FAF2: variants seen among roughly 807,000 people sequenced by gnomAD.
The protein encoded by FAF2 is Fas associated factor family member 2, also known as FAS-associated factor 2.
A neutral mutation model predicts 62.3 loss-of-function variants in FAF2; 9 were observed. The ratio of observed to expected loss-of-function variants is 0.14; its 90% confidence interval spans 0.09 to 0.25. FAF2 has a LOEUF of 0.25. Among genes scored for constraint, FAF2 ranks in the 10% least tolerant of loss-of-function variants. The pLI is 1.00. For missense variants in FAF2, 368 were observed against 556.2 expected, an observed-to-expected ratio of 0.66 and a Z score of 3.40; for synonymous variants, 202 against 198.0, an observed-to-expected ratio of 1.02 and a Z score of -0.17.
At chr5:176,496,769 A>G (rs1755494982) in intron 8 of FAF2, 106 bp downstream of exon 8, 2 of 837,158 alleles carry the variant, frequency 2.4e-6, no homozygotes, top group Non-Finnish European at 1.8e-6. Context: ...TCAGGCCGCT[A>G]TTAGCTTTTA....
intron 10 of FAF2, among the ~76,000 whole-genome samples, chr5:176,500,525 G>C (rs1428004942): frequency 6.6e-6 from 1 of 152,194 alleles, no homozygotes; most frequent in Non-Finnish European, 1.5e-5. Context: ...TGTAGGAAAA[G>C]CTCTGTCTCC....
chr5:176,451,271 T>G (rs1758163062), intron 1 of FAF2, among the ~76,000 whole-genome samples: 1 of 152,150 alleles, frequency 6.6e-6, no homozygotes, highest in East Asian at 1.9e-4. Context: ...CTAGGGGGGC[T>G]GAGGCAGGAG....
intron 1 of FAF2, among the ~76,000 whole-genome samples, chr5:176,469,625 A>G (rs1758524964): frequency 6.6e-6 from 1 of 152,246 alleles, no homozygotes; most frequent in Non-Finnish European, 1.5e-5. Flanking sequence ...ACTGTGGGTC[A>G]AGAACTTTAA....
chr5:176,455,169 C>T (rs980435631), intron 1 of FAF2, among the ~76,000 whole-genome samples: 7 of 152,156 alleles, frequency 4.6e-5, no homozygotes, highest in African/African-American at 1.7e-4. Flanking sequence ...ACACTTACTG[C>T]TTGGCAAGTG....
At chr5:176,495,173 A>C (rs1759039881) in intron 7 of FAF2, among the ~76,000 whole-genome samples, 1 of 152,190 alleles carries the variant, frequency 6.6e-6, no homozygotes, top group Admixed American at 6.5e-5. Flanking sequence ...CAGTGAGGAA[A>C]AATGTAGTCA....
chr5:176,501,910 T>C (rs531424680), intron 10 of FAF2, among the ~76,000 whole-genome samples: 1 of 152,184 alleles, frequency 6.6e-6, no homozygotes, highest in Admixed American at 6.5e-5. Context: ...GCCGCCACCA[T>C]GCCTGGCTAA....
At chr5:176,478,906 A>AT (rs1318964049) in intron 1 of FAF2, among the ~76,000 whole-genome samples, 2 of 152,196 alleles carry the variant, frequency 1.3e-5, no homozygotes, top group African/African-American at 4.8e-5. Context: ...AAAATCTTTA[A>AT]TTTTTTAAAC....
At chr5:176,464,578 G>T (rs1001168844) in intron 1 of FAF2, among the ~76,000 whole-genome samples, 1 of 140,218 alleles carries the variant, frequency 7.1e-6, no homozygotes, top group African/African-American at 2.7e-5. Context: ...CTGTAGCCTC[G>T]ACCTCCCGGA....
At chr5:176,453,558 A>T (rs1758223162) in intron 1 of FAF2, 1 of 152,122 alleles carries the variant, frequency 6.6e-6, no homozygotes, top group Non-Finnish European at 1.5e-5. Flanking sequence ...GGAAAAAAAA[A>T]CACATGGTGC....
chr5:176,492,136 C>T (rs1758981185), intron 4 of FAF2, 58 bp from the exon 5 acceptor site: 1 of 1,606,414 alleles, frequency 6.2e-7, no homozygotes, highest in Non-Finnish European at 8.5e-7. Flanking sequence ...CAAATTGGCC[C>T]ACTCGATATG....
At position 176,479,064 on chromosome 5, in the gene FAF2, C is replaced by T. The variant is rs1188460754; in HGVS notation, c.64-124C>T. On this transcript the variant is annotated intron_variant, in intron 1 of 10. Transcript: ENST00000261942. The stretch of plus-strand genomic sequence containing the variant: ...TAAATTCTGAATCGGTGAAGTTTTA[C>T]CATACTTTAACACTCACTTTTAACA... 3 of 766,418 alleles carry T rather than the reference C, an allele frequency of 3.9e-6. No individual in the cohort carries two copies. The East Asian group carries it at 7.6e-5, about 19-fold the overall frequency. 47.5% of individuals were successfully genotyped at this position (766,418 alleles called of 1,614,324 possible).
chr5:176,504,049 G>A (rs1295167887), intron 10 of FAF2, among the ~76,000 whole-genome samples: 1 of 151,902 alleles, frequency 6.6e-6, no homozygotes, highest in East Asian at 1.9e-4. Context: ...GGAGGTTACA[G>A]TAAGCCGAGA....
intron 1 of FAF2, among the ~76,000 whole-genome samples, chr5:176,458,524 T>C (rs1443601641): frequency 3.0e-5 from 4 of 134,432 alleles, no homozygotes; most frequent in African/African-American, 1.1e-4. Flanking sequence ...CTGCCTCAGC[T>C]TCCCGAGTAG....
At chr5:176,449,592 ACCT>A (rs1561812707) in intron 1 of FAF2, among the ~76,000 whole-genome samples, 1 of 151,518 alleles carries the variant, frequency 6.6e-6, no homozygotes, top group East Asian at 1.9e-4. Context: ...AAAAAAATCT[ACCT>A]CCTGAGGATG....
Position 176,448,417 on chromosome 5 carries a change from C to T in FAF2, c.10C>T (p.Pro4Ser), listed in dbSNP as rs1390137958. MAA[P>S]EERDLTQEQT... Reference sequence around the variant, plus strand: ...TAGAGGCGGCGGCAAAATGGCGGCGCCTGAGGAGCGGGATCTAACCCAGGA... The same window carrying T: ...TAGAGGCGGCGGCAAAATGGCGGCGTCTGAGGAGCGGGATCTAACCCAGGA... The change falls in exon 1 of 11, where the codon CCT becomes TCT. Residue 4 changes from proline (P) to serine (S), a missense_variant. Pro to Ser is a moderately conservative substitution (Grantham distance 74). This residue lies in a region of FAF2 where 331 missense variants were observed against 441.9 expected (regional missense o/e 0.75). Transcript: ENST00000261942. 3.1e-6 allele frequency: 5 copies of T among 1,606,414 alleles called. No homozygotes were observed. The highest frequency in any genetic ancestry group is 4.5e-5 in the East Asian group (2 of 44,628).
At chr5:176,457,525 A>C (rs1325000014) in intron 1 of FAF2, among the ~76,000 whole-genome samples, 1 of 152,170 alleles carries the variant, frequency 6.6e-6, no homozygotes, top group Non-Finnish European at 1.5e-5. Context: ...ATTTTGGACC[A>C]TCTGAGGATT....
chr5:176,504,279 C>A (rs1260092091), intron 10 of FAF2, among the ~76,000 whole-genome samples: 1 of 151,936 alleles, frequency 6.6e-6, no homozygotes, highest in Non-Finnish European at 1.5e-5. Context: ...AGTTCGAGAC[C>A]AGCCTAATGA....
At chr5:176,460,790 A>C (rs1758365186) in intron 1 of FAF2, among the ~76,000 whole-genome samples, 1 of 151,856 alleles carries the variant, frequency 6.6e-6, no homozygotes, top group African/African-American at 2.4e-5. Flanking sequence ...AACTGTACCA[A>C]AAATCCAAAA....
chr5:176,498,966 C>T lies in FAF2; in HGVS notation c.892C>T (p.Leu298=), dbSNP rs754481168. ...VLRQQQDEAY[L]ASLRADQEKE... ...GAGACAACAGCAGGATGAGGCCTAC[C>T]TGGCCTCTCTCAGAGCTGACCAGGA... Residue 298 remains leucine, a synonymous_variant, in exon 9 of 11, where the codon CTG becomes TTG. Coordinates refer to ENST00000261942, the MANE Select transcript of FAF2 (RefSeq NM_014613.3). 2 of 1,612,844 alleles carry T rather than the reference C, an allele frequency of 1.2e-6. No individual in the cohort carries two copies. The highest frequency in any genetic ancestry group is 2.7e-5 in the African/African-American group (2 of 74,882).
Sources: gnomAD v4.1 joint callset for allele counts (sites outside exome capture counted in the v4.1 genomes callset) on GRCh38, gnomAD v4.1.1 for gene constraint, gnomAD v4.1.1 regional missense constraint, MANE v1.5 for transcripts, NCBI Gene and HGNC (gene_info 2026-07-23, HGNC 2026-07-21) for gene names.